Variants in SPG7 observed in about 807,000 individuals in gnomAD.
SPG7 encodes mitochondrial inner membrane m-AAA protease component paraplegin.
SPG7 carries 103 observed loss-of-function variants against 81.9 expected under a neutral mutation model. The ratio of observed to expected loss-of-function variants is 1.26; its 90% CI spans 1.07 to 1.48. The LOEUF is 1.48. Ranked by LOEUF, SPG7 falls within the 40% of genes most tolerant of loss-of-function variation. The probability of loss-of-function intolerance (pLI) is 0.00; values close to 1 mark genes in which losing one functional copy is unlikely to be tolerated. For synonymous variants in SPG7, 534 were observed against 444.2 expected (o/e 1.20, Z -2.54); for missense variants, 1,241 against 1,087.3 (o/e 1.14, Z -1.99).
chr16:89,556,752 G>A (rs532506759), intron 16 of SPG7, 135 bp from the exon 17 acceptor site: 2 of 761,168 alleles, frequency 2.6e-6, no homozygotes, highest in Admixed American at 1.8e-5. Context: ...CCGTGCCTCC[G>A]CTTCCCTGGG....
At chr16:89,553,693 G>T in intron 14 of SPG7, 101 bp from the exon 15 acceptor site, 1 of 1,155,612 alleles carries the variant, frequency 8.7e-7, no homozygotes. Flanking sequence ...GAAGGGGATG[G>T]AGGTGGTGCT....
intron 13 of SPG7, chr16:89,552,516 G>T (rs904489736): frequency 9.6e-6 from 2 of 209,200 alleles, no homozygotes; most frequent in African/African-American, 4.6e-5. Flanking sequence ...GAGTTAGCTC[G>T]TTGCCCCGCG....
chr16:89,531,525 C>T (rs2058342342), intron 7 of SPG7: 1 of 293,784 alleles, frequency 3.4e-6, no homozygotes, highest in Non-Finnish European at 6.7e-6. Context: ...AGGCGCCCAC[C>T]ACCATGCACG....
At chr16:89,552,842 G>C in intron 13 of SPG7, 137 bp from the exon 14 acceptor site, 2 of 793,100 alleles carry the variant, frequency 2.5e-6, no homozygotes, top group South Asian at 1.5e-5. Flanking sequence ...AGGATCCCCT[G>C]TTGTTGTAGA....
rs553796505 is a variant in SPG7 at position 89,515,756 on chromosome 16, A to G, written c.376+2719A>G. On this transcript the variant is annotated intron_variant, in intron 3 of 16. Transcript: ENST00000645818. ...TGGGGTCTCGCTCTGTCGCCAGGCT[A>G]GAGTGCAATGGCACGATCTCGGCTC... Among the ~76,000 whole-genome samples, 49 of 150,144 alleles carry G rather than the reference A, an allele frequency of 3.3e-4. 1 individual carries two copies. In the South Asian group the frequency reaches 9.7e-3, roughly 30 times the overall value.
At chr16:89,523,969 GTGTT>G (rs768389331) in intron 3 of SPG7, 33 bp from the exon 4 acceptor site, 1 of 1,608,302 alleles carries the variant, frequency 6.2e-7, no homozygotes, top group Non-Finnish European at 8.5e-7. Context: ...TGTTGCTCAT[GTGTT>G]TGTTTCTCCC....
intron 2 of SPG7, among the ~76,000 whole-genome samples, chr16:89,512,581 G>T (rs2058037001): frequency 1.3e-5 from 2 of 152,228 alleles, no homozygotes; most frequent in African/African-American, 4.8e-5. Context: ...AAAGTGCTGG[G>T]ATTACAGGCA....
chr16:89,531,890 C>G lies in SPG7; in HGVS notation c.988-14C>G. On this transcript the variant is annotated splice_polypyrimidine_tract_variant and intron_variant, in intron 7 of 16. Transcript: ENST00000645818. Reference sequence around the variant, plus strand: ...CCCCAAGTAGTTAGTGTTGCATTGTCTGCTGCCGTCCAGAGCCCAGAACGC... The same window carrying G: ...CCCCAAGTAGTTAGTGTTGCATTGTGTGCTGCCGTCCAGAGCCCAGAACGC... The G allele has an allele frequency of 6.2e-7, 1 of 1,614,004 alleles. No homozygotes were observed. The highest frequency in any genetic ancestry group is 1.3e-5 in the African/African-American group (1 of 75,026).
In SPG7 at chr16:89,530,795, T is replaced by C. The variant is rs764364095; in HGVS notation, c.974T>C (p.Val325Ala). 1.2e-5 allele frequency: 19 copies of C among 1,613,900 alleles called. No individual in the cohort carries two copies. The highest frequency in any genetic ancestry group is 1.6e-5 in the Non-Finnish European group (19 of 1,179,990). ...HEAKLEVREF[V>A]DYLKSPERFL... The stretch of plus-strand genomic sequence containing the variant: ...GCCAAACTGGAAGTCCGCGAGTTTG[T>C]GGATTATCTGAAGGTGAAAGCAGCG... The change falls in exon 7 of 17, where the codon GTG becomes GCG. Residue 325 changes from valine (V) to alanine (A), a missense_variant. Val to Ala is a moderately conservative substitution (Grantham distance 64). Transcript: ENST00000645818.
intron 12 of SPG7, 134 bp downstream of exon 12, chr16:89,548,247 C>T (rs570757481): frequency 1.6e-5 from 11 of 675,564 alleles, no homozygotes; most frequent in African/African-American, 8.8e-5. Flanking sequence ...TTCAGTTCTG[C>T]GTAACTCATG....
At chr16:89,518,993 T>A (rs1434148480) in intron 3 of SPG7, 1 of 149,860 alleles carries the variant, frequency 6.7e-6, no homozygotes, top group Non-Finnish European at 1.5e-5. Flanking sequence ...TATTTATTTA[T>A]TTTTTTTTGA....
At position 89,544,870 on chromosome 16, in the gene SPG7, G is replaced by C. The variant is rs1391313264; in HGVS notation, c.1449+98G>C. Reference sequence around the variant, plus strand: ...CCTCTAAGACACTTCTTGGTGTGAAGCCTGTCACAGCCCCACAGGTGCTGG... The same window carrying C: ...CCTCTAAGACACTTCTTGGTGTGAACCCTGTCACAGCCCCACAGGTGCTGG... On this transcript the variant is annotated intron_variant, in intron 10 of 16. Transcript: ENST00000645818. 5.2e-5 allele frequency: 74 copies of C among 1,434,554 alleles called. No individual in the cohort carries two copies. In the East Asian group the frequency reaches 1.7e-3, roughly 33 times the overall value. The allele number at this position is 1,434,554 out of a possible 1,614,324, so 88.9% of individuals were successfully genotyped here.
Position 89,554,496 on chromosome 16 carries a change from T to C in SPG7, c.2114T>C (p.Leu705Pro). ...LQQMMDHEARLLVAKAYRHTE... is the reference protein window; with the variant it reads ...LQQMMDHEARPLVAKAYRHTE... ...TCCCTCCACTCACAGGAAGCAAGACTGCTGGTGGCCAAGGCCTACAGACAC... is the reference window on the plus strand; with the variant it reads ...TCCCTCCACTCACAGGAAGCAAGACCGCTGGTGGCCAAGGCCTACAGACAC... The change falls in exon 16 of 17, where the codon CTG (leucine) becomes CCG (proline). Residue 705 changes from leucine (L) to proline (P), a missense_variant. Leu to Pro is a moderately conservative substitution (Grantham distance 98, BLOSUM62 -3). Coordinates refer to ENST00000645818, the MANE Select transcript of SPG7 (RefSeq NM_003119.4). 1 of 1,608,926 alleles carries C rather than the reference T, an allele frequency of 6.2e-7. No homozygotes were observed. The highest frequency in any genetic ancestry group is 1.1e-5 in the South Asian group (1 of 91,010).
intron 16 of SPG7, 40 bp from the exon 17 acceptor site, chr16:89,556,847 G>A (rs772933769): frequency 6.7e-7 from 1 of 1,495,328 alleles, no homozygotes; most frequent in African/African-American, 1.4e-5. Context: ...TGCTCTGTCT[G>A]CCCTGGGGAC....
rs1555609320 is a variant in SPG7 at position 89,511,912 on chromosome 16, G to GTTGAA, written c.287-1034_287-1033insGAATT. Among the ~76,000 whole-genome samples, 895 of 151,082 alleles carry GTTGAA rather than the reference G, an allele frequency of 5.9e-3. 2 individuals carry two copies. The highest frequency in any genetic ancestry group is 9.6e-3 in the Non-Finnish European group (649 of 67,736). On this transcript the variant is annotated intron_variant, in intron 2 of 16. Coordinates refer to ENST00000645818, the MANE Select transcript of SPG7 (RefSeq NM_003119.4). ...TTTTTGTGTTGTTGTTGTTGTTGTT[G>GTTGAA]TTTATTATTATTTTTTTGAGACGGA...
chr16:89,515,609 T>C (rs2152395835), intron 3 of SPG7, among the ~76,000 whole-genome samples: 1 of 145,818 alleles, frequency 6.9e-6, no homozygotes, highest in East Asian at 2.4e-4. Flanking sequence ...GTGCGGTGGC[T>C]CACACCTGTA....
chr16:89,529,227 A>G, intron 5 of SPG7: 1 of 568,408 alleles, frequency 1.8e-6, no homozygotes, highest in Non-Finnish European at 3.2e-6. Flanking sequence ...TATTGTCACA[A>G]GGCTGGCTAG....
chr16:89,534,199 G>A (rs56321554), intron 9 of SPG7, among the ~76,000 whole-genome samples: 2 of 151,996 alleles, frequency 1.3e-5, no homozygotes, highest in South Asian at 2.1e-4. Flanking sequence ...CCTGTGTCCC[G>A]CTGTCTGTCT....
intron 9 of SPG7, chr16:89,537,149 T>A: frequency 6.9e-7 from 1 of 1,458,754 alleles, no homozygotes; most frequent in African/African-American, 1.4e-5. Flanking sequence ...CCAGGCTTTG[T>A]TGCTTCCGTT....
Sources: allele counts gnomAD v4.1 joint callset (sites outside exome capture counted in the v4.1 genomes callset), GRCh38; gene constraint gnomAD v4.1.1; transcripts MANE v1.5; gene names NCBI Gene and HGNC (gene_info 2026-07-23, HGNC 2026-07-21).